Variants in VPS13A observed in about 807,000 individuals in gnomAD.
The protein encoded by VPS13A is vacuolar protein sorting 13 homolog A, also known as intermembrane lipid transfer protein VPS13A.
VPS13A carries 264 observed loss-of-function variants against 390.9 expected under a neutral mutation model. The ratio of observed to expected loss-of-function variants is 0.68; its 90% CI spans 0.61 to 0.75. The LOEUF is 0.75. VPS13A is among the 30% of genes least tolerant of loss of function. The pLI, the probability that VPS13A is intolerant of heterozygous loss-of-function variation, is 0.00. For missense variants in VPS13A, 3,409 were observed against 3,733.9 expected (o/e 0.91, Z 2.27); for synonymous variants, 1,231 against 1,227.1 (o/e 1.00, Z -0.07).
At chr9:77,359,053 C>T (rs143365194) in intron 57 of VPS13A, among the ~76,000 whole-genome samples, 2 of 152,198 alleles carry the variant, frequency 1.3e-5, no homozygotes, top group African/African-American at 2.4e-5. Flanking sequence ...GGAGCAAGTC[C>T]CCAGAATCTG....
At chr9:77,409,435 C>T (rs113531393) in intron 71 of VPS13A, among the ~76,000 whole-genome samples, 1 of 152,248 alleles carries the variant, frequency 6.6e-6, no homozygotes, top group South Asian at 2.1e-4. Flanking sequence ...AGCAATGGAA[C>T]AAAGCTGGAT....
chr9:77,302,565 G>GT (rs1223190062), intron 33 of VPS13A, among the ~76,000 whole-genome samples: 1 of 148,350 alleles, frequency 6.7e-6, no homozygotes, highest in Non-Finnish European at 1.5e-5. Flanking sequence ...TAGAGATGGG[G>GT]TTTCACCATG....
chr9:77,412,115 CA>C (rs918093281), intron 71 of VPS13A, among the ~76,000 whole-genome samples: 1 of 151,902 alleles, frequency 6.6e-6, no homozygotes, highest in African/African-American at 2.4e-5. Context: ...GCTTACCAAC[CA>C]AAAAAAGTCC....
chr9:77,271,044 T>C (rs1353375172), intron 23 of VPS13A, among the ~76,000 whole-genome samples: 2 of 152,196 alleles, frequency 1.3e-5, no homozygotes, highest in Admixed American at 1.3e-4. Flanking sequence ...TTCTGCTGTT[T>C]GGAAGACATT....
chr9:77,211,920 G>A (rs1193216999), intron 7 of VPS13A, among the ~76,000 whole-genome samples: 1 of 152,158 alleles, frequency 6.6e-6, no homozygotes, highest in African/African-American at 2.4e-5. Context: ...GATCAGAGGT[G>A]GCATTCGATT....
chr9:77,384,625 G>A, intron 68 of VPS13A: 1 of 1,610,042 alleles, frequency 6.2e-7, no homozygotes, highest in Non-Finnish European at 8.5e-7. Flanking sequence ...ACTCACAGTA[G>A]CAGTAGTGAT....
chr9:77,263,474 T>C (rs1338554941), intron 23 of VPS13A, among the ~76,000 whole-genome samples: 1 of 152,164 alleles, frequency 6.6e-6, no homozygotes, highest in South Asian at 2.1e-4. Context: ...GTTGTTTTGA[T>C]TTGCATTTCT....
At chr9:77,328,468 C>G (rs1830122202) in intron 45 of VPS13A, among the ~76,000 whole-genome samples, 1 of 152,212 alleles carries the variant, frequency 6.6e-6, no homozygotes, top group Non-Finnish European at 1.5e-5. Flanking sequence ...TCCTTCGAAG[C>G]TTTGAAGCTA....
At chr9:77,342,557 A>G (rs973941800) in intron 50 of VPS13A, among the ~76,000 whole-genome samples, 1 of 152,180 alleles carries the variant, frequency 6.6e-6, no homozygotes, top group Admixed American at 6.5e-5. Flanking sequence ...TCTCTTTCTG[A>G]TGGTCCAATA....
At chr9:77,320,806 T>C (rs891751786) in intron 42 of VPS13A, among the ~76,000 whole-genome samples, 3 of 152,114 alleles carry the variant, frequency 2.0e-5, no homozygotes, top group African/African-American at 4.8e-5. Context: ...TTCTGTTCTT[T>C]ATTATTAGCA....
chr9:77,404,934 G>C (rs1834529508), intron 69 of VPS13A, among the ~76,000 whole-genome samples: 2 of 152,004 alleles, frequency 1.3e-5, no homozygotes, highest in South Asian at 4.2e-4. Flanking sequence ...GGAAGTGAGA[G>C]ATAGATATAA....
chr9:77,180,308 G>A (rs1823930633), intron 1 of VPS13A, among the ~76,000 whole-genome samples: 1 of 152,146 alleles, frequency 6.6e-6, no homozygotes, highest in African/African-American at 2.4e-5. Context: ...TTTCCAGAGT[G>A]TTTGTTTTCT....
chr9:77,344,046 C>T, intron 50 of VPS13A, 107 bp from the exon 51 acceptor site: 1 of 1,087,098 alleles, frequency 9.2e-7, no homozygotes, highest in Non-Finnish European at 1.3e-6. Context: ...AGTGTTAAAA[C>T]AGGTTTTTTT....
intron 1 of VPS13A, among the ~76,000 whole-genome samples, chr9:77,183,693 A>G (rs1161416555): frequency 6.6e-6 from 1 of 152,258 alleles, no homozygotes; most frequent in Admixed American, 6.5e-5. Flanking sequence ...AAAGTTAAAC[A>G]TACATCAACC....
intron 31 of VPS13A, among the ~76,000 whole-genome samples, chr9:77,287,194 TATA>T (rs1827380476): frequency 6.7e-6 from 1 of 148,150 alleles, no homozygotes; most frequent in African/African-American, 2.5e-5. Flanking sequence ...ATATATATTA[TATA>T]ATAATATATT....
intron 17 of VPS13A, among the ~76,000 whole-genome samples, chr9:77,232,720 A>G (rs1296222099): frequency 6.6e-6 from 1 of 152,120 alleles, no homozygotes; most frequent in African/African-American, 2.4e-5. Context: ...TCCCTTTATA[A>G]AACCATCAGA....
chr9:77,344,848 GAT>G (rs1485749204), intron 51 of VPS13A, among the ~76,000 whole-genome samples, 159 bp from the exon 52 acceptor site: 1 of 151,974 alleles, frequency 6.6e-6, no homozygotes, highest in African/African-American at 2.4e-5. Flanking sequence ...CAGTGATTGA[GAT>G]TATAGATTTC....
intron 59 of VPS13A, 90 bp from the exon 60 acceptor site, chr9:77,365,370 A>G (rs1832376166): frequency 1.3e-6 from 1 of 795,484 alleles, no homozygotes; most frequent in East Asian, 2.6e-5. Flanking sequence ...TGGATCTTAT[A>G]GAAGAGTTTT....
intron 20 of VPS13A, 41 bp downstream of exon 20, chr9:77,247,436 GGT>G (rs1824880374): frequency 6.5e-7 from 1 of 1,539,600 alleles, no homozygotes; most frequent in African/African-American, 1.4e-5. Flanking sequence ...CAGCATTTGG[GGT>G]GTTTCTTTGT....
Sources: allele counts gnomAD v4.1 joint callset (sites outside exome capture counted in the v4.1 genomes callset), GRCh38; gene constraint gnomAD v4.1.1; transcripts MANE v1.5; gene names NCBI Gene and HGNC (gene_info 2026-07-23, HGNC 2026-07-21).